ZFAND3: variants seen among roughly 807,000 people sequenced by gnomAD.
ZFAND3 encodes zinc finger AN1-type containing 3.
In ZFAND3, 10 loss-of-function variants were observed where a neutral mutation model predicts 29.6. The ratio of observed to expected loss-of-function variants is 0.34; its 90% CI spans 0.21 to 0.57. The LOEUF is 0.57. Ranked by LOEUF, ZFAND3 falls within the 20% of genes least tolerant of loss-of-function variation. ZFAND3 has a pLI of 0.86. For missense variants in ZFAND3, 230 were observed against 304.5 expected (o/e 0.76, Z 1.82); for synonymous variants, 128 against 112.6 (o/e 1.14, Z -0.87).
chr6:37,987,466 A>G (rs1387411476), intron 2 of ZFAND3, among the ~76,000 whole-genome samples: 1 of 152,220 alleles, frequency 6.6e-6, no homozygotes, highest in Non-Finnish European at 1.5e-5. Context: ...TCTGATAAAG[A>G]TGATGATACC....
At chr6:38,082,585 C>A in intron 4 of ZFAND3, 128 bp downstream of exon 4, 1 of 808,898 alleles carries the variant, frequency 1.2e-6, no homozygotes, top group Non-Finnish European at 1.9e-6. Context: ...GTGATATGTG[C>A]TTAGTATTCA....
chr6:37,984,935 T>G (rs1762640832), intron 2 of ZFAND3, among the ~76,000 whole-genome samples: 1 of 152,236 alleles, frequency 6.6e-6, no homozygotes, highest in Non-Finnish European at 1.5e-5. Context: ...GCAGTTATAC[T>G]TTTTTCAGCA....
intron 2 of ZFAND3, among the ~76,000 whole-genome samples, chr6:37,973,961 T>A (rs1463140167): frequency 6.6e-6 from 1 of 152,208 alleles, no homozygotes; most frequent in Non-Finnish European, 1.5e-5. Context: ...GACCGAGAGT[T>A]TATTGCCTAT....
intron 5 of ZFAND3, among the ~76,000 whole-genome samples, chr6:38,131,223 T>A (rs1164018455): frequency 6.6e-6 from 1 of 152,246 alleles, no homozygotes; most frequent in Admixed American, 6.5e-5. Context: ...GTTAATGGCC[T>A]ATGAATTTTA....
chr6:37,841,601 A>C (rs1258795661), intron 1 of ZFAND3, among the ~76,000 whole-genome samples: 1 of 152,140 alleles, frequency 6.6e-6, no homozygotes, highest in Non-Finnish European at 1.5e-5. Flanking sequence ...CCCCTGCCTC[A>C]GCCTCCCGAG....
intron 2 of ZFAND3, among the ~76,000 whole-genome samples, chr6:37,945,916 T>G (rs1761893622): frequency 6.6e-6 from 1 of 152,224 alleles, no homozygotes; most frequent in African/African-American, 2.4e-5. Context: ...GCACTGCTGG[T>G]CACCACTTCT....
chr6:38,072,301 C>A (rs913029185), intron 3 of ZFAND3, among the ~76,000 whole-genome samples: 1 of 152,162 alleles, frequency 6.6e-6, no homozygotes, highest in East Asian at 1.9e-4. Context: ...TTTTAATACT[C>A]ATTTTCAAAA....
At chr6:37,844,811 G>A (rs570917854) in intron 1 of ZFAND3, among the ~76,000 whole-genome samples, 2 of 150,830 alleles carry the variant, frequency 1.3e-5, no homozygotes, top group East Asian at 2.0e-4. Flanking sequence ...TCAGGAGATC[G>A]AGACCAGCCT....
chr6:38,000,150 CAAACA>C (rs1188562347), intron 2 of ZFAND3, among the ~76,000 whole-genome samples: 1 of 151,952 alleles, frequency 6.6e-6, no homozygotes, highest in Non-Finnish European at 1.5e-5. Context: ...ATTCAGATAC[CAAACA>C]AACCAAAAAA....
intron 5 of ZFAND3, among the ~76,000 whole-genome samples, chr6:38,151,927 G>T (rs996746776): frequency 6.6e-6 from 1 of 152,176 alleles, no homozygotes; most frequent in Non-Finnish European, 1.5e-5. Context: ...CATGGTGCTG[G>T]AGAGGAGCGC....
intron 3 of ZFAND3, among the ~76,000 whole-genome samples, chr6:38,064,645 G>A (rs981315474): frequency 2.0e-5 from 3 of 149,812 alleles, no homozygotes; most frequent in Admixed American, 6.6e-5. Context: ...GCCAGTTTAG[G>A]CCACTGTAGA....
chr6:37,848,876 G>A (rs181913797), intron 1 of ZFAND3, among the ~76,000 whole-genome samples: 3 of 152,124 alleles, frequency 2.0e-5, no homozygotes, highest in African/African-American at 7.2e-5. Context: ...ACAGGCATAA[G>A]AGAATTGTTG....
intron 5 of ZFAND3, chr6:38,142,913 C>T (rs940105729): frequency 1.3e-5 from 2 of 153,958 alleles, no homozygotes; most frequent in African/African-American, 4.8e-5. Flanking sequence ...CCAGATAAAA[C>T]AGCCTAGCAT....
At chr6:37,995,131 A>G (rs538768065) in intron 2 of ZFAND3, among the ~76,000 whole-genome samples, 2 of 152,342 alleles carry the variant, frequency 1.3e-5, no homozygotes, top group African/African-American at 4.8e-5. Context: ...TATTAATTAT[A>G]TGGGTGCAGT....
chr6:38,084,253 C>T (rs963331202), intron 4 of ZFAND3, among the ~76,000 whole-genome samples: 2 of 152,174 alleles, frequency 1.3e-5, no homozygotes, highest in Admixed American at 1.3e-4. Context: ...ATATAGCATA[C>T]ACTAAAGTAG....
chr6:38,095,755 A>C (rs1468539187), intron 4 of ZFAND3, among the ~76,000 whole-genome samples: 1 of 152,192 alleles, frequency 6.6e-6, no homozygotes, highest in African/African-American at 2.4e-5. Context: ...CTTCAGCCAG[A>C]CACGGTGGCT....
intron 2 of ZFAND3, among the ~76,000 whole-genome samples, chr6:38,007,662 T>A (rs913236475): frequency 6.6e-6 from 1 of 152,204 alleles, no homozygotes; most frequent in Non-Finnish European, 1.5e-5. Flanking sequence ...AAAACTATGG[T>A]ATTAGCCTAT....
intron 1 of ZFAND3, among the ~76,000 whole-genome samples, chr6:37,898,997 G>A (rs898680319): frequency 6.6e-6 from 1 of 152,118 alleles, no homozygotes; most frequent in Non-Finnish European, 1.5e-5. Context: ...CCGGGTTCAC[G>A]CCATTCTCCT....
In ZFAND3 at chr6:37,884,232, G is replaced by A. The variant is rs1467327071; in HGVS notation, c.72-45727G>A. 1.4e-5 allele frequency among the ~76,000 whole-genome samples: 2 copies of A among 144,974 alleles called. 1 individual carries two copies. Among genetic ancestry groups the A allele is most frequent in the African/African-American group, 5.6e-5 (2 of 35,842 alleles). ...CAGGTGGCTGGATGCGGTGGCTCACGCCTGTAATCCCAGCACTTTGGGCGG... is the reference window on the plus strand; with the variant it reads ...CAGGTGGCTGGATGCGGTGGCTCACACCTGTAATCCCAGCACTTTGGGCGG... On this transcript the variant is annotated intron_variant, in intron 1 of 5. Coordinates refer to ENST00000287218, the MANE Select transcript of ZFAND3 (RefSeq NM_021943.3).
Sources: allele counts gnomAD v4.1 joint callset (sites outside exome capture counted in the v4.1 genomes callset), GRCh38; gene constraint gnomAD v4.1.1; transcripts MANE v1.5; gene names NCBI Gene and HGNC (gene_info 2026-07-23, HGNC 2026-07-21).